FSTL5: variants seen among roughly 807,000 people sequenced by gnomAD.
FSTL5 encodes the protein follistatin-related protein 5.
In FSTL5, 62 loss-of-function variants were observed where a neutral mutation model predicts 89.1. The observed-to-expected ratio is 0.70, with a 90% confidence interval of 0.57 to 0.86. The LOEUF (loss-of-function observed/expected upper bound fraction) is 0.86. Ranked by LOEUF, FSTL5 falls within the 40% of genes least tolerant of loss-of-function variation. FSTL5 has a pLI of 0.00. For missense variants in FSTL5, 1,057 were observed against 1,001.6 expected, an observed-to-expected ratio of 1.06 and a Z score of -0.75; for synonymous variants, 383 against 346.2, an observed-to-expected ratio of 1.11 and a Z score of -1.18.
intron 7 of FSTL5, among the ~76,000 whole-genome samples, chr4:161,601,297 T>C (rs1734225066): frequency 1.4e-5 from 2 of 145,446 alleles, no homozygotes; most frequent in African/African-American, 5.2e-5. Flanking sequence ...CCTGCATCCT[T>C]TCCCCTAGTG....
At chr4:161,749,590 G>A (rs1366655468) in intron 6 of FSTL5, among the ~76,000 whole-genome samples, 1 of 151,902 alleles carries the variant, frequency 6.6e-6, no homozygotes, top group Non-Finnish European at 1.5e-5. Flanking sequence ...GAGGTCAGGA[G>A]ATCAAGACCA....
chr4:161,876,115 T>A (rs1732434046), intron 4 of FSTL5, among the ~76,000 whole-genome samples: 1 of 152,206 alleles, frequency 6.6e-6, no homozygotes, highest in African/African-American at 2.4e-5. Context: ...AATACGTATT[T>A]ATCAGACATA....
chr4:161,949,713 T>A (rs1734838268), intron 3 of FSTL5, among the ~76,000 whole-genome samples: 4 of 151,832 alleles, frequency 2.6e-5, no homozygotes, highest in Admixed American at 2.6e-4. Context: ...CAGTATTTAA[T>A]TTCAGGGATT....
At chr4:161,465,341 T>C (rs185558685) in intron 13 of FSTL5, among the ~76,000 whole-genome samples, 61 of 152,162 alleles carry the variant, frequency 4.0e-4, no homozygotes, top group African/African-American at 1.4e-3. Context: ...TTAGGAAAAA[T>C]GACATGAAGT....
intron 7 of FSTL5, among the ~76,000 whole-genome samples, chr4:161,631,029 CT>C (rs1423683332): frequency 6.6e-6 from 1 of 152,072 alleles, no homozygotes; most frequent in African/African-American, 2.4e-5. Flanking sequence ...AGCAAATTAA[CT>C]CATTATATGC....
chr4:162,025,984 A>G (rs990101027), intron 3 of FSTL5, among the ~76,000 whole-genome samples: 1 of 151,980 alleles, frequency 6.6e-6, no homozygotes, highest in Non-Finnish European at 1.5e-5. Flanking sequence ...ATTCTAAAAA[A>G]TCCAAGCAAA....
At chr4:161,932,511 G>A (rs1191287625) in intron 3 of FSTL5, among the ~76,000 whole-genome samples, 1 of 151,488 alleles carries the variant, frequency 6.6e-6, no homozygotes, top group East Asian at 1.9e-4. Flanking sequence ...CTATAAGAAT[G>A]TGTATATATA....
Position 161,401,250 on chromosome 4 carries a change from C to T in FSTL5, c.1842-14801G>A, listed in dbSNP as rs533550898. On this transcript the variant is annotated intron_variant, in intron 15 of 15. Coordinates refer to ENST00000306100, the MANE Select transcript of FSTL5 (RefSeq NM_020116.5). ...TCTTACTCAATTTAGTAGCCTTTCT[C>T]TGATGTCTACTTCTTTAATTAACAC... is the stretch of plus-strand genomic sequence containing the variant. Among the ~76,000 whole-genome samples, 3 of 152,284 alleles carry T rather than the reference C, an allele frequency of 2.0e-5. No individual in the cohort carries two copies. In the South Asian group the frequency reaches 6.2e-4, roughly 32 times the overall value.
At chr4:161,674,517 G>C (rs566909249) in intron 6 of FSTL5, among the ~76,000 whole-genome samples, 1 of 152,110 alleles carries the variant, frequency 6.6e-6, no homozygotes, top group African/African-American at 2.4e-5. Flanking sequence ...TCCCTTCTTG[G>C]CAGAAAGAAG....
intron 6 of FSTL5, among the ~76,000 whole-genome samples, chr4:161,743,479 G>A (rs1740093988): frequency 2.6e-5 from 4 of 152,074 alleles, no homozygotes; most frequent in Admixed American, 2.6e-4. Context: ...AAGAAAGAAT[G>A]ACATCCCCTC....
At position 161,574,473 on chromosome 4, in the gene FSTL5, C is replaced by A. The variant is rs189225560; in HGVS notation, c.1015+12982G>T. On this transcript the variant is annotated intron_variant, in intron 8 of 15. Transcript: ENST00000306100. ...AACCCATAATCTAGGTTTTAAGCCCCATATGCATTAGGTATTTGTCCTAAT... is the reference window on the plus strand; with the variant it reads ...AACCCATAATCTAGGTTTTAAGCCCAATATGCATTAGGTATTTGTCCTAAT... Among the ~76,000 whole-genome samples, 1,207 of 152,072 alleles carry A rather than the reference C, an allele frequency of 7.9e-3. 20 individuals carry two copies. The highest frequency in any genetic ancestry group is 0.028 in the African/African-American group (1,164 of 41,462).
chr4:162,119,295 C>T lies in FSTL5; in HGVS notation c.-16-7883G>A, dbSNP rs180852315. Among the ~76,000 whole-genome samples, 291 of 151,596 alleles carry T rather than the reference C, an allele frequency of 1.9e-3. 1 individual carries two copies. Among genetic ancestry groups the T allele is most frequent in the African/African-American group, 6.7e-3 (279 of 41,380 alleles). On this transcript the variant is annotated intron_variant, in intron 1 of 15. Transcript: ENST00000306100. The stretch of plus-strand genomic sequence containing the variant: ...ATACTTCCTGTACAAGAACTATCTG[C>T]ACAGAAAAAACAACTAATTATTCAT...
At chr4:161,603,014 A>T (rs1734302989) in intron 7 of FSTL5, among the ~76,000 whole-genome samples, 2 of 152,186 alleles carry the variant, frequency 1.3e-5, no homozygotes, top group Non-Finnish European at 2.9e-5. Context: ...ACATTAAACA[A>T]AAAAGGGTAG....
chr4:162,075,863 A>G lies in FSTL5; in HGVS notation c.126+35408T>C, dbSNP rs952355452. 3.9e-5 allele frequency among the ~76,000 whole-genome samples: 6 copies of G among 151,966 alleles called. No individual in the cohort carries two copies. In the East Asian group the frequency reaches 9.8e-4, roughly 25 times the overall value. ...AACTGTGTCAGTTGAGTCATTCTGG[A>G]AAGATCATCCCAGCTTCAGAAGTCC... is the stretch of plus-strand genomic sequence containing the variant. On this transcript the variant is annotated intron_variant, in intron 2 of 15. Transcript: ENST00000306100.
At chr4:161,457,742 A>G (rs1733411273) in intron 14 of FSTL5, among the ~76,000 whole-genome samples, 2 of 150,986 alleles carry the variant, frequency 1.3e-5, no homozygotes, top group African/African-American at 2.5e-5. Flanking sequence ...CTAAAAAATC[A>G]TATATATATT....
rs180739862 is a variant in FSTL5 at position 161,740,336 on chromosome 4, C to T, written c.727+19075G>A. On this transcript the variant is annotated intron_variant, in intron 6 of 15. Coordinates refer to ENST00000306100, the MANE Select transcript of FSTL5 (RefSeq NM_020116.5). ...GGCCCGGCCTGAAATAGTATAGTAT[C>T]GCTTTTAGTATTTGATTGACAATAT... Among the ~76,000 whole-genome samples the T allele has an allele frequency of 2.8e-3, 419 of 152,078 alleles. 3 individuals are homozygous for T. The highest frequency in any genetic ancestry group is 9.5e-3 in the African/African-American group (394 of 41,478).
At chr4:161,910,330 C>A (rs1733654369) in intron 4 of FSTL5, among the ~76,000 whole-genome samples, 1 of 152,116 alleles carries the variant, frequency 6.6e-6, no homozygotes, top group African/African-American at 2.4e-5. Flanking sequence ...ACTATACAGT[C>A]CCTTGGCATT....
At chr4:161,621,257 A>C (rs907106246) in intron 7 of FSTL5, among the ~76,000 whole-genome samples, 22 of 137,904 alleles carry the variant, frequency 1.6e-4, no homozygotes, top group Admixed American at 1.3e-3. Context: ...GGATATGGGG[A>C]TGTAAAGACT....
chr4:161,920,410 A>G lies in FSTL5; in HGVS notation c.403T>C (p.Phe135Leu). ...ITIVHNEDCF[F>L]KGDKCKTTEY... ...AGGTTCACCCTTCATTTACCTTTAA[A>G]GAAGCAGTCTTCATTGTGAACAATG... Residue 135 changes from phenylalanine (F) to leucine (L), a missense_variant, in exon 4 of 16, where the codon TTT becomes CTT. Physicochemically the swap from Phe to Leu is conservative, Grantham distance 22 (BLOSUM62 0). Coordinates refer to ENST00000306100, the MANE Select transcript of FSTL5 (RefSeq NM_020116.5). The G allele has an allele frequency of 6.2e-7, 1 of 1,613,852 alleles. No individual in the cohort carries two copies. The highest frequency in any genetic ancestry group is 2.2e-5 in the East Asian group (1 of 44,860).
Sources: gnomAD v4.1 joint callset for allele counts (sites outside exome capture counted in the v4.1 genomes callset) on GRCh38, gnomAD v4.1.1 for gene constraint, MANE v1.5 for transcripts, NCBI Gene and HGNC (gene_info 2026-07-23, HGNC 2026-07-21) for gene names.